The following CAMTA2 variants were observed in gnomAD, a reference collection of about 807,000 sequenced individuals.
The protein encoded by CAMTA2 is calmodulin-binding transcription activator 2.
In CAMTA2, 56 loss-of-function variants were observed where a neutral mutation model predicts 135.7. The ratio of observed to expected loss-of-function variants is 0.41; its 90% confidence interval spans 0.33 to 0.52. The LOEUF (loss-of-function observed/expected upper bound fraction) is 0.52. Ranked by LOEUF, CAMTA2 falls within the 20% of genes least tolerant of loss-of-function variation. The pLI is 0.16. For missense variants in CAMTA2, 1,358 were observed against 1,553.4 expected, an observed-to-expected ratio of 0.87 and a Z score of 2.11; for synonymous variants, 591 against 604.6, an observed-to-expected ratio of 0.98 and a Z score of 0.33.
In CAMTA2 at chr17:4,969,122, G is replaced by T. The variant is rs772102973; in HGVS notation, c.3470+28C>A. The T allele has an allele frequency of 6.3e-7, 1 of 1,594,590 alleles. No individual in the cohort carries two copies. The highest frequency in any genetic ancestry group is 8.5e-7 in the Non-Finnish European group (1 of 1,171,292). ...GGGAATGGCGTGGATGCAGTGGGTGGGCACAGAGGGCTGGGGCTGGGCCCT... is the reference window on the plus strand; with the variant it reads ...GGGAATGGCGTGGATGCAGTGGGTGTGCACAGAGGGCTGGGGCTGGGCCCT... On this transcript the variant is annotated intron_variant, in intron 21 of 22. Coordinates refer to ENST00000348066, the MANE Select transcript of CAMTA2 (RefSeq NM_015099.4). This position sits in a 1 kb window ranked among gnomAD's most constrained non-coding sequence, Gnocchi z 5.6.
At chr17:4,979,508 CA>C (rs5819002) in intron 9 of CAMTA2, 175 bp downstream of exon 9, 17,888 of 204,574 alleles carry the variant, frequency 0.087, 31 homozygotes, top group East Asian at 0.13. Context: ...GAAACTGTCT[CA>C]AAAAAAAAAA....
chr17:4,984,197 G>A (rs1973131316), intron 3 of CAMTA2, among the ~76,000 whole-genome samples: 1 of 150,732 alleles, frequency 6.6e-6, no homozygotes, highest in African/African-American at 2.4e-5. Context: ...TGATCCACCC[G>A]CCTCAGCCTC....
chr17:4,985,788 G>T, intron 3 of CAMTA2, 92 bp downstream of exon 3: 1 of 801,498 alleles, frequency 1.2e-6, no homozygotes, highest in Non-Finnish European at 2.2e-6. Flanking sequence ...TCTGCACTTA[G>T]GAGTGTTGAC....
At chr17:4,987,247 C>G in intron 1 of CAMTA2, 1 of 1,339,882 alleles carries the variant, frequency 7.5e-7, no homozygotes, top group South Asian at 2.0e-5. Flanking sequence ...GGCCCCCCGG[C>G]GGAGTGGTGG....
chr17:4,972,366 G>C lies in CAMTA2; in HGVS notation c.2674C>G (p.Pro892Ala). 1 of 1,613,864 alleles carries C rather than the reference G, an allele frequency of 6.2e-7. No individual in the cohort carries two copies. Among genetic ancestry groups the C allele is most frequent in the East Asian group, 2.2e-5 (1 of 44,880 alleles). ...GQLSSGVPEA[P>A]LLLMDYEATN... Reference sequence around the variant, plus strand: ...GCCTCATAGTCCATGAGGAGTAGGGGGGCTTCTGGGACACCAGAGGAAAGC... The same window carrying C: ...GCCTCATAGTCCATGAGGAGTAGGGCGGCTTCTGGGACACCAGAGGAAAGC... Residue 892 changes from proline (P) to alanine (A), a missense_variant, in exon 16 of 23, where the codon CCC becomes GCC. By Grantham distance (27) the Pro-to-Ala change is conservative. Around this residue, in one of 4 missense-constraint regions of CAMTA2, gnomAD observed 1,077 missense variants for 1,127.5 expected, o/e 0.96. Coordinates refer to ENST00000348066, the MANE Select transcript of CAMTA2 (RefSeq NM_015099.4).
Position 4,970,449 on chromosome 17 carries a change from C to G in CAMTA2, c.2896G>C (p.Gly966Arg), listed in dbSNP as rs1168278184. 2.5e-6 allele frequency: 4 copies of G among 1,614,028 alleles called. No individual in the cohort carries two copies. The highest frequency in any genetic ancestry group is 3.4e-6 in the Non-Finnish European group (4 of 1,179,974). Reference sequence around the variant, plus strand: ...CCTGTCCGCTCCCGCATTGAGGCTCCAGCCTCGGGCAGCCCCACGAAGTCC... The same window carrying G: ...CCTGTCCGCTCCCGCATTGAGGCTCGAGCCTCGGGCAGCCCCACGAAGTCC... Reference protein sequence around the residue: ...REDFVGLPEAGASMRERTGAV... With the variant: ...REDFVGLPEARASMRERTGAV... Residue 966 changes from glycine (G) to arginine (R), a missense_variant, in exon 17 of 23, where the codon GGA (glycine) becomes CGA (arginine). Gly to Arg is a moderately radical substitution (Grantham distance 125). Around this residue, in one of 4 missense-constraint regions of CAMTA2, gnomAD observed 1,077 missense variants for 1,127.5 expected, o/e 0.96. Coordinates refer to ENST00000348066, the MANE Select transcript of CAMTA2 (RefSeq NM_015099.4).
Position 4,969,903 on chromosome 17 carries a change from T to G in CAMTA2, c.3188A>C (p.Lys1063Thr). 1 of 1,614,000 alleles carries G rather than the reference T, an allele frequency of 6.2e-7. No homozygotes were observed. The highest frequency in any genetic ancestry group is 8.5e-7 in the Non-Finnish European group (1 of 1,179,894). ...RVIQTAFRKY[K>T]GRRLKEQQEV... Reference sequence around the variant, plus strand: ...CATCCTGAGACCCCTGCCCCTGACCTTGTACTTTCGGAAGGCCGTCTGGAT... The same window carrying G: ...CATCCTGAGACCCCTGCCCCTGACCGTGTACTTTCGGAAGGCCGTCTGGAT... The change falls in exon 18 of 23, where the codon AAG becomes ACG. Residue 1063 changes from lysine (K) to threonine (T), a missense_variant and splice_region_variant. Transcript: ENST00000348066. The surrounding 1 kb of genome is among the most constrained non-coding windows in gnomAD (Gnocchi z 5.6).
chr17:4,980,393 CT>C lies in CAMTA2; in HGVS notation c.928del (p.Ser310AlafsTer19). 6.2e-7 allele frequency: 1 copy of C among 1,613,902 alleles called. No homozygotes were observed. The highest frequency in any genetic ancestry group is 8.5e-7 in the Non-Finnish European group (1 of 1,179,968). On this transcript the variant is annotated frameshift_variant, in exon 9 of 23. Transcript: ENST00000348066. LOFTEE classifies it high-confidence loss of function. The surrounding 1 kb of genome is among the most constrained non-coding windows in gnomAD (Gnocchi z 5.3). The part of the protein sequence containing the change: ...GFAEPLEIRP[S>X]PPTSRGGSSR... ...AGAACCCCCTCGAGAAGTGGGAGGG[CT>C]AGGTCTGATTTCTAGGGGCTCTGCA... is the stretch of plus-strand genomic sequence containing the variant.
rs1269351982 is a variant in CAMTA2 at position 4,970,085 on chromosome 17, G to A, written c.3006C>T (p.Ser1002=). 8.1e-6 allele frequency: 13 copies of A among 1,613,162 alleles called. No individual in the cohort carries two copies. The highest frequency in any genetic ancestry group is 2.7e-5 in the African/African-American group (2 of 74,944). The change falls in exon 18 of 23, where the codon AGC becomes AGT. Residue 1002 remains serine (S), a splice_region_variant and synonymous_variant. Coordinates refer to ENST00000348066, the MANE Select transcript of CAMTA2 (RefSeq NM_015099.4). The part of the protein sequence containing the change: ...VDHFPSSTPP[S]ELPFERGRLA... ...GGCGACCTCGCTCAAAGGGCAGTTC[G>A]CTGTAGGCGGTAGGGAAAGAGGGTG...
chr17:4,976,473 G>C (rs1004052535), intron 11 of CAMTA2, among the ~76,000 whole-genome samples: 1 of 152,120 alleles, frequency 6.6e-6, no homozygotes, highest in Admixed American at 6.5e-5. Flanking sequence ...CCAAGGCGGG[G>C]TGGATTGCTT....
At chr17:4,971,843 A>G (rs1972307440) in intron 16 of CAMTA2, among the ~76,000 whole-genome samples, 2 of 151,918 alleles carry the variant, frequency 1.3e-5, no homozygotes, top group Non-Finnish European at 2.9e-5. Context: ...CACATACCAC[A>G]GTGCCCAGTT....
chr17:4,985,277 A>AT (rs2143071436), intron 3 of CAMTA2, among the ~76,000 whole-genome samples: 1 of 152,386 alleles, frequency 6.6e-6, no homozygotes, highest in South Asian at 2.1e-4. Flanking sequence ...GGCTTGCTCT[A>AT]TAGAACCGTT....
rs77336075 is a variant in CAMTA2 at position 4,978,947 on chromosome 17, C to T, written c.1639-317G>A. ...TAATTCACCCCCACTGTACTTCCTC[C>T]TTTTCCTCTCAAAGGCAGCATAAAA... On this transcript the variant is annotated intron_variant, in intron 9 of 22. Coordinates refer to ENST00000348066, the MANE Select transcript of CAMTA2 (RefSeq NM_015099.4). Among the ~76,000 whole-genome samples, 1,430 of 152,336 alleles carry T rather than the reference C, an allele frequency of 9.4e-3. 14 individuals are homozygous for T. The highest frequency in any genetic ancestry group is 0.078 in the Middle Eastern group (23 of 294).
chr17:4,968,652 G>T lies in CAMTA2; in HGVS notation c.*104C>A. ...GCCTACAGAGGGCTCCAACAAAGGT[G>T]AACAGGAAAGCTGCCGACAGGGGCT... On this transcript the variant is annotated 3_prime_UTR_variant, in exon 23 of 23. Transcript: ENST00000348066. 7.4e-7 allele frequency: 1 copy of T among 1,350,630 alleles called. No individual in the cohort carries two copies. The highest frequency in any genetic ancestry group is 1.2e-5 in the South Asian group (1 of 84,404). 83.7% of individuals were successfully genotyped at this position (1,350,630 alleles called of 1,614,324 possible).
At position 4,979,913 on chromosome 17, in the gene CAMTA2, G is replaced by C. The variant is rs745311750; in HGVS notation, c.1409C>G (p.Pro470Arg). The change falls in exon 9 of 23, where the codon CCA becomes CGA. Residue 470 changes from proline to arginine, a missense_variant. Pro to Arg is a moderately radical substitution (Grantham distance 103). Transcript: ENST00000348066. Reference protein sequence around the residue: ...PPIPSPPPSPPPSPAPLEPSS... With the variant: ...PPIPSPPPSPRPSPAPLEPSS... Reference sequence around the variant, plus strand: ...CGGCTCCAAGGGGGCAGGTGAGGGTGGGGGTGAGGGAGGGGGTGAAGGTAT... The same window carrying C: ...CGGCTCCAAGGGGGCAGGTGAGGGTCGGGGTGAGGGAGGGGGTGAAGGTAT... 144 of 1,611,906 alleles carry C rather than the reference G, an allele frequency of 8.9e-5. 1 individual carries two copies. The South Asian group carries it at 1.6e-3, about 18-fold the overall frequency.
In CAMTA2 at chr17:4,968,091, G is replaced by C. The variant is rs570316133; in HGVS notation, c.*665C>G. The C allele has an allele frequency of 5.5e-4, 275 of 499,864 alleles. 3 individuals are homozygous for C. Among genetic ancestry groups the C allele is most frequent in the African/African-American group, 4.8e-3 (250 of 51,862 alleles). The allele number at this position is 499,864 out of a possible 1,614,324, so 31.0% of individuals were successfully genotyped here. A position where few individuals can be genotyped will look rare whatever the true frequency, so the allele number is the denominator to read the frequency against. ...CCGGCAGGAGGCCCCCGCCGCGCTAGAGAACCACAAGCCCGGCCGTGCAGC... is the reference window on the plus strand; with the variant it reads ...CCGGCAGGAGGCCCCCGCCGCGCTACAGAACCACAAGCCCGGCCGTGCAGC... On this transcript the variant is annotated 3_prime_UTR_variant, in exon 23 of 23. Coordinates refer to ENST00000348066, the MANE Select transcript of CAMTA2 (RefSeq NM_015099.4).
chr17:4,975,271 A>G (rs1436735023), intron 11 of CAMTA2, among the ~76,000 whole-genome samples: 2 of 152,130 alleles, frequency 1.3e-5, no homozygotes, highest in African/African-American at 2.4e-5. Flanking sequence ...CACAGGTGAT[A>G]GGAGGACAGA....
chr17:4,981,121 T>C, intron 8 of CAMTA2, 104 bp downstream of exon 8: 1 of 1,402,724 alleles, frequency 7.1e-7, no homozygotes, highest in Non-Finnish European at 9.8e-7. Flanking sequence ...GCAAAAGACT[T>C]GCAAATCAGC....
chr17:4,984,292 C>G (rs1180150022), intron 3 of CAMTA2, among the ~76,000 whole-genome samples: 1 of 152,216 alleles, frequency 6.6e-6, no homozygotes, highest in Non-Finnish European at 1.5e-5. Flanking sequence ...TTCTTCCCAA[C>G]AAGGGATCAA....
Sources: allele counts gnomAD v4.1 joint callset (sites outside exome capture counted in the v4.1 genomes callset), GRCh38; gene constraint gnomAD v4.1.1; regional missense constraint gnomAD v4.1.1; non-coding constraint Gnocchi (gnomAD v3.1); transcripts MANE v1.5; gene names NCBI Gene and HGNC (gene_info 2026-07-23, HGNC 2026-07-21).